Variants in PLCB1 observed in about 807,000 individuals in gnomAD.
The protein encoded by PLCB1 is 1-phosphatidylinositol 4,5-bisphosphate phosphodiesterase beta-1.
PLCB1 carries 46 observed loss-of-function variants against 161.8 expected under a neutral mutation model. The observed-to-expected ratio is 0.28, with a 90% confidence interval of 0.22 to 0.36. PLCB1 has a LOEUF of 0.36. Ranked by LOEUF, PLCB1 falls within the 10% of genes least tolerant of loss-of-function variation. The pLI is 1.00. For missense variants in PLCB1, 1,016 were observed against 1,472.5 expected (o/e 0.69, Z 5.07); for synonymous variants, 517 against 503.7 (o/e 1.03, Z -0.35).
At position 8,740,455 on chromosome 20, in the gene PLCB1, A is replaced by G. The variant is rs369440734; in HGVS notation, c.2413+7A>G. 9 of 1,473,334 alleles carry G rather than the reference A, an allele frequency of 6.1e-6. No homozygotes were observed. The highest frequency in any genetic ancestry group is 7.4e-6 in the Non-Finnish European group (8 of 1,077,664). 91.3% of individuals were successfully genotyped at this position (1,473,334 alleles called of 1,614,324 possible). A position where few individuals can be genotyped will look rare whatever the true frequency, so the allele number is the denominator to read the frequency against. ...GTGCCAGACACATATGCAGGTAAAC[A>G]ACTTAACTCAAATACCACTTTACTC... On this transcript the variant is annotated splice_region_variant and intron_variant, in intron 22 of 31. Transcript: ENST00000338037.
intron 5 of PLCB1, among the ~76,000 whole-genome samples, chr20:8,646,986 G>C (rs1049817561): frequency 1.3e-5 from 2 of 152,172 alleles, no homozygotes; most frequent in African/African-American, 2.4e-5. Context: ...CATCATTCCA[G>C]ACCTAATACC....
chr20:8,855,577 A>G (rs1987042128), intron 31 of PLCB1, among the ~76,000 whole-genome samples: 1 of 152,254 alleles, frequency 6.6e-6, no homozygotes, highest in South Asian at 2.1e-4. Context: ...GAAAGTTTAG[A>G]AAACTCATCT....
chr20:8,250,430 G>T (rs189256290), intron 2 of PLCB1, among the ~76,000 whole-genome samples: 5 of 151,848 alleles, frequency 3.3e-5, no homozygotes, highest in East Asian at 1.9e-4. Context: ...TTTGTAATCT[G>T]TTGGGTTTTG....
intron 31 of PLCB1, among the ~76,000 whole-genome samples, chr20:8,837,041 A>G (rs754508632): frequency 3.9e-4 from 59 of 152,122 alleles, no homozygotes; most frequent in Non-Finnish European, 7.1e-4. Context: ...TGGAATGGAG[A>G]TCAGCTTCAG....
chr20:8,194,274 C>T (rs2052000578), intron 2 of PLCB1, among the ~76,000 whole-genome samples: 3 of 151,948 alleles, frequency 2.0e-5, no homozygotes, highest in African/African-American at 4.8e-5. Flanking sequence ...AATCCAGTTC[C>T]ACTTTGGGTT....
intron 4 of PLCB1, among the ~76,000 whole-genome samples, chr20:8,632,674 G>A (rs955754093): frequency 2.6e-5 from 4 of 152,154 alleles, no homozygotes; most frequent in Non-Finnish European, 5.9e-5. Flanking sequence ...TCAGGAGGAT[G>A]TCTGGAGAGA....
At chr20:8,626,045 G>T (rs1456227224) in intron 3 of PLCB1, among the ~76,000 whole-genome samples, 2 of 151,842 alleles carry the variant, frequency 1.3e-5, no homozygotes, top group African/African-American at 4.8e-5. Context: ...GGGCGTGGTG[G>T]CACACCCCTA....
rs1254874815 is a variant in PLCB1 at position 8,320,799 on chromosome 20, A to AAGAG, written c.178-50580_178-50579insGAGA. On this transcript the variant is annotated intron_variant, in intron 2 of 31. Coordinates refer to ENST00000338037, the MANE Select transcript of PLCB1 (RefSeq NM_015192.4). ...TTGTAATATTAGGACAGAAAGAAAG[A>AAGAG]AGAAAGAAAGAAAGAAAGGGAGGGA... Among the ~76,000 whole-genome samples, 7 of 91,824 alleles carry AAGAG rather than the reference A, an allele frequency of 7.6e-5. No homozygotes were observed. The East Asian group carries it at 2.4e-3, about 32-fold the overall frequency. The allele number at this position is 91,824 out of a possible 152,430, so 60.2% of individuals were successfully genotyped here.
chr20:8,414,604 TGTAAA>T (rs1252879050), intron 3 of PLCB1, among the ~76,000 whole-genome samples: 7 of 152,134 alleles, frequency 4.6e-5, no homozygotes, highest in Admixed American at 2.6e-4. Flanking sequence ...ATCAAAGAAA[TGTAAA>T]GTATTACTTG....
chr20:8,830,367 T>G (rs1985924514), intron 31 of PLCB1, among the ~76,000 whole-genome samples: 1 of 152,204 alleles, frequency 6.6e-6, no homozygotes, highest in Non-Finnish European at 1.5e-5. Context: ...GGAGCAGCCA[T>G]TGAGAGGGCA....
chr20:8,325,308 A>G (rs951632317), intron 2 of PLCB1, among the ~76,000 whole-genome samples: 3 of 152,100 alleles, frequency 2.0e-5, no homozygotes, highest in African/African-American at 7.2e-5. Flanking sequence ...ATTATTCTGG[A>G]CTCTTCTCTG....
At chr20:8,510,776 T>G (rs555242313) in intron 3 of PLCB1, among the ~76,000 whole-genome samples, 100 of 152,344 alleles carry the variant, frequency 6.6e-4, no homozygotes, top group Non-Finnish European at 1.2e-3. Flanking sequence ...GAAGAAGTAA[T>G]TAAACTTTAA....
chr20:8,345,761 T>C (rs927953205), intron 2 of PLCB1, among the ~76,000 whole-genome samples: 4 of 152,238 alleles, frequency 2.6e-5, no homozygotes, highest in Non-Finnish European at 5.9e-5. Context: ...ATCCTGAAGA[T>C]GTGCTGGGTG....
chr20:8,599,191 G>T (rs1375169647), intron 3 of PLCB1, among the ~76,000 whole-genome samples: 746 of 104,878 alleles, frequency 7.1e-3, no homozygotes, highest in South Asian at 0.017. Context: ...TTTCTTCCTA[G>T]TCTCGATGGT....
At chr20:8,406,105 TC>T (rs2122493469) in intron 3 of PLCB1, among the ~76,000 whole-genome samples, 1 of 152,294 alleles carries the variant, frequency 6.6e-6, no homozygotes, top group African/African-American at 2.4e-5. Context: ...GTCAAGTCAT[TC>T]CTGCATTTTA....
intron 2 of PLCB1, among the ~76,000 whole-genome samples, chr20:8,321,986 C>A (rs2048258005): frequency 6.6e-6 from 1 of 152,136 alleles, no homozygotes; most frequent in African/African-American, 2.4e-5. Flanking sequence ...CTTCTGGAAG[C>A]AGCCGTCCAC....
chr20:8,221,383 T>A (rs955060514), intron 2 of PLCB1, among the ~76,000 whole-genome samples: 8 of 152,042 alleles, frequency 5.3e-5, no homozygotes, highest in Non-Finnish European at 7.4e-5. Context: ...CAATTTTTTT[T>A]ATATATCTTT....
intron 3 of PLCB1, among the ~76,000 whole-genome samples, chr20:8,605,068 A>G (rs1297461215): frequency 6.6e-6 from 1 of 152,190 alleles, no homozygotes; most frequent in Non-Finnish European, 1.5e-5. Flanking sequence ...TCCCACACAC[A>G]CACATCTATT....
At chr20:8,768,575 C>T (rs1188295147) in intron 26 of PLCB1, among the ~76,000 whole-genome samples, 1 of 152,188 alleles carries the variant, frequency 6.6e-6, no homozygotes, top group Non-Finnish European at 1.5e-5. Context: ...ATGTACTATT[C>T]CATATATTTC....
Sources: gnomAD v4.1 joint callset for allele counts (sites outside exome capture counted in the v4.1 genomes callset) on GRCh38, gnomAD v4.1.1 for gene constraint, MANE v1.5 for transcripts, NCBI Gene and HGNC (gene_info 2026-07-23, HGNC 2026-07-21) for gene names.